CDH10: variants seen among roughly 807,000 people sequenced by gnomAD.
The protein encoded by CDH10 is cadherin-10.
CDH10 carries 30 observed loss-of-function variants against 73.1 expected under a neutral mutation model. The observed-to-expected ratio is 0.41, with a 90% CI of 0.31 to 0.56. The LOEUF (loss-of-function observed/expected upper bound fraction) is 0.56, where lower values mean the gene tolerates loss of function less well. Among genes scored for constraint, CDH10 ranks in the 20% least tolerant of loss-of-function variants. The pLI is 0.27. For synonymous variants in CDH10, 345 were observed against 348.2 expected, an observed-to-expected ratio of 0.99 and a Z score of 0.10; for missense variants, 815 against 973.7, an observed-to-expected ratio of 0.84 and a Z score of 2.17.
At chr5:24,517,901 C>T (rs10071071) in intron 5 of CDH10, among the ~76,000 whole-genome samples, 69,352 of 152,006 alleles carry the variant, frequency 0.46, 16,105 homozygotes, top group East Asian at 0.58. Context: ...CTAAACCTAA[C>T]GAGTTTTCAC....
intron 1 of CDH10, among the ~76,000 whole-genome samples, chr5:24,640,772 C>T (rs570230530): frequency 6.6e-6 from 1 of 151,878 alleles, no homozygotes; most frequent in African/African-American, 2.4e-5. Context: ...CTTTCCCTTT[C>T]TTTAGTTCCA....
chr5:24,507,829 T>C (rs1243053769), intron 7 of CDH10, among the ~76,000 whole-genome samples: 1 of 152,110 alleles, frequency 6.6e-6, no homozygotes, highest in Non-Finnish European at 1.5e-5. Context: ...GGAAGAGGCA[T>C]TTATGGGAAA....
chr5:24,639,279 G>T lies in CDH10; in HGVS notation c.-124+5315C>A, dbSNP rs79073486. ...CAATGGATTCAAAGGAAGTTTATTT[G>T]ACTTAATTTTATTGAGAGTGGAGCT... On this transcript the variant is annotated intron_variant, in intron 1 of 11. Coordinates refer to ENST00000264463, the MANE Select transcript of CDH10 (RefSeq NM_006727.5). 2.5e-3 allele frequency among the ~76,000 whole-genome samples: 373 copies of T among 151,694 alleles called. 14 individuals carry two copies. The East Asian group carries it at 0.068, about 28-fold the overall frequency.
intron 1 of CDH10, among the ~76,000 whole-genome samples, chr5:24,626,945 T>G (rs2112184189): frequency 6.6e-6 from 1 of 150,966 alleles, no homozygotes; most frequent in African/African-American, 2.4e-5. Flanking sequence ...AATTAATCCA[T>G]ACTCATAAAA....
At chr5:24,562,592 A>G (rs1268792119) in intron 2 of CDH10, among the ~76,000 whole-genome samples, 1 of 152,148 alleles carries the variant, frequency 6.6e-6, no homozygotes, top group Non-Finnish European at 1.5e-5. Context: ...ATTTCACTAT[A>G]AGCCACTGTA....
intron 8 of CDH10, among the ~76,000 whole-genome samples, chr5:24,502,183 A>G (rs1013470859): frequency 2.0e-5 from 3 of 152,070 alleles, no homozygotes; most frequent in African/African-American, 4.8e-5. Context: ...TGGCCTCCCA[A>G]AGTGCTGGGA....
intron 1 of CDH10, among the ~76,000 whole-genome samples, chr5:24,627,575 T>C (rs1343193676): frequency 6.6e-6 from 1 of 152,158 alleles, no homozygotes; most frequent in Non-Finnish European, 1.5e-5. Context: ...ACTAGCTTTG[T>C]GATTTGTGAA....
intron 1 of CDH10, among the ~76,000 whole-genome samples, chr5:24,632,137 C>A (rs1747722689): frequency 6.6e-6 from 1 of 151,994 alleles, no homozygotes; most frequent in African/African-American, 2.4e-5. Context: ...GTAGATATTT[C>A]TAGCTAAAAT....
rs573308656 is a variant in CDH10 at position 24,491,416 on chromosome 5, G to A, written c.1876+160C>T. On this transcript the variant is annotated intron_variant, in intron 11 of 11. Coordinates refer to ENST00000264463, the MANE Select transcript of CDH10 (RefSeq NM_006727.5). The stretch of plus-strand genomic sequence containing the variant: ...TTCTTTATATATTCGTATATATTCC[G>A]ATCAAATAAAGTATTTTAATATAAA... Among the ~76,000 whole-genome samples, 12 of 152,020 alleles carry A rather than the reference G, an allele frequency of 7.9e-5. No homozygotes were observed. The South Asian group carries it at 8.3e-4, about 11-fold the overall frequency.
intron 3 of CDH10, among the ~76,000 whole-genome samples, chr5:24,536,191 T>A (rs1429899145): frequency 6.6e-6 from 1 of 151,958 alleles, no homozygotes; most frequent in Non-Finnish European, 1.5e-5. Context: ...ATGTTCTTCT[T>A]CCCCCTCTCC....
At chr5:24,604,882 A>AC (rs1561192055) in intron 1 of CDH10, among the ~76,000 whole-genome samples, 13 of 150,844 alleles carry the variant, frequency 8.6e-5, no homozygotes, top group Non-Finnish European at 1.8e-4. Flanking sequence ...AAAAAAAAAA[A>AC]AAAAAAAAAA....
chr5:24,609,599 C>G (rs996231730), intron 1 of CDH10, among the ~76,000 whole-genome samples: 2 of 152,158 alleles, frequency 1.3e-5, no homozygotes, highest in African/African-American at 4.8e-5. Context: ...CTGAAAGTGT[C>G]TATCAAAATG....
intron 1 of CDH10, among the ~76,000 whole-genome samples, chr5:24,603,182 G>C (rs1746628656): frequency 6.6e-6 from 1 of 152,028 alleles, no homozygotes. Context: ...TATAACTACT[G>C]GTGTCAGTTT....
At chr5:24,500,838 C>T (rs532154371) in intron 8 of CDH10, among the ~76,000 whole-genome samples, 34 of 152,132 alleles carry the variant, frequency 2.2e-4, no homozygotes, top group Non-Finnish European at 4.0e-4. Context: ...AAAGTATTCA[C>T]CTAATAAAAA....
chr5:24,582,598 C>A (rs1745841904), intron 2 of CDH10, among the ~76,000 whole-genome samples: 1 of 151,920 alleles, frequency 6.6e-6, no homozygotes, highest in African/African-American at 2.4e-5. Context: ...AAAGTGTATA[C>A]ATGTTTTATG....
At chr5:24,502,802 T>A (rs1046824897) in intron 8 of CDH10, among the ~76,000 whole-genome samples, 1 of 152,182 alleles carries the variant, frequency 6.6e-6, no homozygotes, top group African/African-American at 2.4e-5. Context: ...GATTCTGAAA[T>A]GACCAGATTG....
Position 24,535,799 on chromosome 5 carries a change from C to T in CDH10, c.550G>A (p.Ala184Thr). Residue 184 changes from alanine to threonine, a missense_variant, in exon 4 of 12, where the codon GCT (alanine) becomes ACT (threonine). Around this residue, in one of 3 missense-constraint regions of CDH10, gnomAD observed 516 missense variants for 636.6 expected, o/e 0.81. Transcript: ENST00000264463. ...TATGAAGGGTCATCGGCATCTGTAG[C>T]TGTGACTTGCACCACAGAAGTACCT... is the stretch of plus-strand genomic sequence containing the variant. ...VVGTSVVQVT[A>T]TDADDPSYGN... 1.2e-6 allele frequency: 2 copies of T among 1,610,040 alleles called. No individual in the cohort carries two copies. Among genetic ancestry groups the T allele is most frequent in the Non-Finnish European group, 1.7e-6 (2 of 1,177,224 alleles).
At chr5:24,570,861 T>C (rs1398358534) in intron 2 of CDH10, among the ~76,000 whole-genome samples, 1 of 150,716 alleles carries the variant, frequency 6.6e-6, no homozygotes, top group East Asian at 1.9e-4. Context: ...GAAATATTTT[T>C]TGTTTTTTCA....
rs2111606717 is a variant in CDH10 at position 24,487,939 on chromosome 5, A to C, written c.2091T>G (p.Ile697Met). 6.2e-7 allele frequency: 1 copy of C among 1,613,966 alleles called. No individual in the cohort carries two copies. The highest frequency in any genetic ancestry group is 1.1e-5 in the South Asian group (1 of 91,058). The change falls in exon 12 of 12, where the codon ATT (isoleucine) becomes ATG (methionine). Residue 697 changes from isoleucine to methionine, a missense_variant. This residue lies in a region of CDH10 where 241 missense variants were observed against 240.3 expected (regional missense o/e 1.00). Coordinates refer to ENST00000264463, the MANE Select transcript of CDH10 (RefSeq NM_006727.5). ...CTGGAGCTGTAGGAGTCCTCCGAGG[A>C]ATAAATAACGTTTCTGGAATAATAT... ...RRDIIPETLF[I>M]PRRTPTAPDN...
Sources: allele counts gnomAD v4.1 joint callset (sites outside exome capture counted in the v4.1 genomes callset), GRCh38; gene constraint gnomAD v4.1.1; regional missense constraint gnomAD v4.1.1; transcripts MANE v1.5; gene names NCBI Gene and HGNC (gene_info 2026-07-23, HGNC 2026-07-21).